ARSB: variants seen among roughly 807,000 people sequenced by gnomAD.
ARSB encodes the protein N-acetylgalactosamine-4-sulfatase.
Under a neutral mutation model 50.9 loss-of-function variants are expected in ARSB, and 41 were observed. The ratio of observed to expected loss-of-function variants is 0.81; its 90% confidence interval spans 0.63 to 1.04. The LOEUF is 1.04. Ranked by LOEUF, ARSB falls within the 50% of genes least tolerant of loss-of-function variation. The probability of loss-of-function intolerance (pLI) is 0.00; values close to 1 mark genes in which losing one functional copy is unlikely to be tolerated. For synonymous variants in ARSB, 269 were observed against 284.8 expected, an observed-to-expected ratio of 0.94 and a Z score of 0.56; for missense variants, 672 against 693.3, an observed-to-expected ratio of 0.97 and a Z score of 0.35.
chr5:78,916,170 C>T (rs1749536121), intron 4 of ARSB, among the ~76,000 whole-genome samples: 1 of 152,182 alleles, frequency 6.6e-6, no homozygotes, highest in Non-Finnish European at 1.5e-5. Flanking sequence ...ATAATAATTA[C>T]ACACTCTACC....
At chr5:78,791,749 T>G (rs1180389475) in intron 6 of ARSB, among the ~76,000 whole-genome samples, 1 of 152,240 alleles carries the variant, frequency 6.6e-6, no homozygotes, top group African/African-American at 2.4e-5. Context: ...ATCGTGGACC[T>G]AAAAATAGTT....
intron 4 of ARSB, among the ~76,000 whole-genome samples, chr5:78,938,981 C>T (rs1254688961): frequency 6.6e-6 from 1 of 152,196 alleles, no homozygotes; most frequent in Non-Finnish European, 1.5e-5. Flanking sequence ...GATGCCTGTT[C>T]ACTAAATGGA....
intron 1 of ARSB, among the ~76,000 whole-genome samples, chr5:78,980,755 T>TGTGTGTGTGTGTGTGTGTGTG (rs1561539912): frequency 1.3e-5 from 2 of 151,904 alleles, no homozygotes; most frequent in African/African-American, 4.8e-5. Flanking sequence ...TGTGTGTGTG[T>TGTGTGTGTGTGTGTGTGTGTG]TTTGGTAGAT....
At chr5:78,803,718 G>A (rs1743473296) in intron 6 of ARSB, among the ~76,000 whole-genome samples, 1 of 152,252 alleles carries the variant, frequency 6.6e-6, no homozygotes, top group Admixed American at 6.5e-5. Flanking sequence ...CCCTTGCAGA[G>A]CTACAAATGA....
intron 5 of ARSB, among the ~76,000 whole-genome samples, chr5:78,850,228 G>T (rs201411001): frequency 6.7e-4 from 90 of 133,442 alleles, no homozygotes; most frequent in South Asian, 1.5e-3. Context: ...TTTGAGATAC[G>T]TCCCATCAAT....
At chr5:78,980,336 A>C (rs1385070333) in intron 1 of ARSB, among the ~76,000 whole-genome samples, 1 of 152,256 alleles carries the variant, frequency 6.6e-6, no homozygotes, top group Non-Finnish European at 1.5e-5. Flanking sequence ...CCTTAAACCC[A>C]GAAAATTCCA....
Position 78,817,157 on chromosome 5 carries a change from T to G in ARSB, c.1213+22199A>C, listed in dbSNP as rs116197513. The G allele has an allele frequency of 1.8e-5, 18 of 977,214 alleles. No homozygotes were observed. The Admixed American group carries it at 7.4e-4, about 40-fold the overall frequency. 60.5% of individuals were successfully genotyped at this position (977,214 alleles called of 1,614,324 possible). A position where few individuals can be genotyped will look rare whatever the true frequency, so the allele number is the denominator to read the frequency against. ...TACTGGGAGAGATAAAGAATGATCA[T>G]TAGTAGGCACAAAATAACAACAGCT... On this transcript the variant is annotated intron_variant, in intron 6 of 7. Coordinates refer to ENST00000264914, the MANE Select transcript of ARSB (RefSeq NM_000046.5).
At chr5:78,889,575 A>C (rs1748186048) in intron 4 of ARSB, among the ~76,000 whole-genome samples, 1 of 152,222 alleles carries the variant, frequency 6.6e-6, no homozygotes, top group Non-Finnish European at 1.5e-5. Flanking sequence ...TAGAAAAGAA[A>C]TGTCAAAGTA....
intron 5 of ARSB, among the ~76,000 whole-genome samples, chr5:78,877,504 T>C (rs1314549924): frequency 3.9e-5 from 6 of 152,120 alleles, no homozygotes; most frequent in Non-Finnish European, 8.8e-5. Flanking sequence ...TTCTCCTGCC[T>C]CAGCCTCCCT....
intron 5 of ARSB, among the ~76,000 whole-genome samples, chr5:78,877,442 G>A (rs1747537413): frequency 6.6e-6 from 1 of 152,144 alleles, no homozygotes; most frequent in African/African-American, 2.4e-5. Context: ...AGGTTGGAGT[G>A]CAGTGGTGCA....
chr5:78,831,228 C>T lies in ARSB; in HGVS notation c.1213+8128G>A, dbSNP rs1744669221. Among the ~76,000 whole-genome samples, 3 of 152,074 alleles carry T rather than the reference C, an allele frequency of 2.0e-5. No homozygotes were observed. In the South Asian group the frequency reaches 6.2e-4, roughly 32 times the overall value. Reference sequence around the variant, plus strand: ...CTGGAAGAACTTACCCACAAGCTCACAGGAAATAAGTCAGAGCTGGTATTG... The same window carrying T: ...CTGGAAGAACTTACCCACAAGCTCATAGGAAATAAGTCAGAGCTGGTATTG... On this transcript the variant is annotated intron_variant, in intron 6 of 7. Transcript: ENST00000264914.
At chr5:78,921,305 G>A (rs565891254) in intron 4 of ARSB, among the ~76,000 whole-genome samples, 4 of 152,134 alleles carry the variant, frequency 2.6e-5, no homozygotes, top group South Asian at 2.1e-4. Context: ...GGGCACATGC[G>A]GCTAGAAATG....
chr5:78,911,967 A>G (rs1561497196), intron 4 of ARSB, among the ~76,000 whole-genome samples: 1 of 152,262 alleles, frequency 6.6e-6, no homozygotes, highest in Non-Finnish European at 1.5e-5. Flanking sequence ...AATAGAAAAA[A>G]GGTGGTATTT....
chr5:78,777,224 A>G lies in ARSB; in HGVS notation c.*3173T>C, dbSNP rs1226940757. ...TGATTGACACTTTTTTTAGTTCTAA[A>G]ATTTTTACTATATTTATTTATTTAA... On this transcript the variant is annotated 3_prime_UTR_variant, in exon 8 of 8. Coordinates refer to ENST00000264914, the MANE Select transcript of ARSB (RefSeq NM_000046.5). The G allele has an allele frequency of 6.6e-6, 1 of 152,094 alleles. No homozygotes were observed. Among genetic ancestry groups the G allele is most frequent in the Non-Finnish European group, 1.5e-5 (1 of 68,016 alleles). The allele number at this position is 152,094 out of a possible 1,614,324, so 9.4% of individuals were successfully genotyped here.
Position 78,779,687 on chromosome 5 carries a change from G to A in ARSB, c.*710C>T, listed in dbSNP as rs1748869479. 1 of 152,906 alleles carries A rather than the reference G, an allele frequency of 6.5e-6. No individual in the cohort carries two copies. The highest frequency in any genetic ancestry group is 2.4e-5 in the African/African-American group (1 of 41,448). The allele number at this position is 152,906 out of a possible 1,614,324, so 9.5% of individuals were successfully genotyped here. A position where few individuals can be genotyped will look rare whatever the true frequency, so the allele number is the denominator to read the frequency against. ...GCCTTCCCAGGGATAGGACTACTGA[G>A]GTCAAAAGGAAAGGCAGGAAAAGCC... On this transcript the variant is annotated 3_prime_UTR_variant, in exon 8 of 8. Coordinates refer to ENST00000264914, the MANE Select transcript of ARSB (RefSeq NM_000046.5).
chr5:78,954,544 G>C (rs1751631661), intron 4 of ARSB, among the ~76,000 whole-genome samples: 2 of 151,972 alleles, frequency 1.3e-5, no homozygotes, highest in Admixed American at 1.3e-4. Flanking sequence ...TCACTCTGTT[G>C]CCCAGACTGG....
At chr5:78,968,707 A>G (rs1561532792) in intron 2 of ARSB, among the ~76,000 whole-genome samples, 2 of 152,160 alleles carry the variant, frequency 1.3e-5, no homozygotes, top group African/African-American at 4.8e-5. Flanking sequence ...ATCAATCCAT[A>G]TCCCTTTTTG....
chr5:78,868,745 C>T (rs1746950052), intron 5 of ARSB, among the ~76,000 whole-genome samples: 1 of 140,254 alleles, frequency 7.1e-6, no homozygotes, highest in African/African-American at 2.7e-5. Flanking sequence ...TAGGAAGAAA[C>T]TGCATCAACT....
At chr5:78,868,730 G>A (rs917386888) in intron 5 of ARSB, among the ~76,000 whole-genome samples, 17 of 141,614 alleles carry the variant, frequency 1.2e-4, no homozygotes, top group East Asian at 2.0e-4. Flanking sequence ...AAAGACCATC[G>A]AGACTAGGAA....
Sources: gnomAD v4.1 joint callset for allele counts (sites outside exome capture counted in the v4.1 genomes callset) on GRCh38, gnomAD v4.1.1 for gene constraint, MANE v1.5 for transcripts, NCBI Gene and HGNC (gene_info 2026-07-23, HGNC 2026-07-21) for gene names.